SNCAIP: variants seen among roughly 807,000 people sequenced by gnomAD.
SNCAIP encodes synphilin-1.
Under a neutral mutation model 86.7 loss-of-function variants are expected in SNCAIP, and 43 were observed. The observed-to-expected ratio is 0.50, with a 90% CI of 0.39 to 0.64. SNCAIP has a LOEUF of 0.64. SNCAIP is among the 30% of genes least tolerant of loss of function. The pLI, the probability that SNCAIP is intolerant of heterozygous loss-of-function variation, is 0.00. For missense variants in SNCAIP, 981 were observed against 1,103.1 expected (o/e 0.89, Z 1.57); for synonymous variants, 417 against 427.2 (o/e 0.98, Z 0.29).
rs1418453169 is a variant in SNCAIP at position 122,425,912 on chromosome 5, C to T, written c.1182+381C>T. ...GGTGTGTTTTAAGGATGCTAGCACTCGGGAGTATTTCAGATCACAAAGTGG... is the reference window on the plus strand; with the variant it reads ...GGTGTGTTTTAAGGATGCTAGCACTTGGGAGTATTTCAGATCACAAAGTGG... On this transcript the variant is annotated intron_variant, in intron 5 of 10. Coordinates refer to ENST00000261368, the MANE Select transcript of SNCAIP (RefSeq NM_005460.4). 6.6e-5 allele frequency among the ~76,000 whole-genome samples: 10 copies of T among 152,254 alleles called. No individual in the cohort carries two copies. The East Asian group carries it at 1.4e-3, about 21-fold the overall frequency.
intron 3 of SNCAIP, among the ~76,000 whole-genome samples, chr5:122,405,465 T>C (rs2152880010): frequency 6.6e-6 from 1 of 152,300 alleles, no homozygotes; most frequent in South Asian, 2.1e-4. Flanking sequence ...CCTAAAATAC[T>C]TGTGAGCTAA....
chr5:122,393,173 A>G (rs1442676253), intron 2 of SNCAIP, among the ~76,000 whole-genome samples: 7 of 152,304 alleles, frequency 4.6e-5, no homozygotes, highest in East Asian at 3.9e-4. Context: ...CCTCTTAAAC[A>G]TGTTTCGATT....
intron 6 of SNCAIP, among the ~76,000 whole-genome samples, chr5:122,438,745 T>G (rs1780106978): frequency 6.6e-6 from 1 of 152,210 alleles, no homozygotes; most frequent in Non-Finnish European, 1.5e-5. Context: ...CTCCCTCAGT[T>G]TTCTGACTTA....
At chr5:122,394,805 T>C (rs991296554) in intron 2 of SNCAIP, among the ~76,000 whole-genome samples, 4 of 152,218 alleles carry the variant, frequency 2.6e-5, no homozygotes, top group African/African-American at 9.6e-5. Flanking sequence ...CATCCACCAA[T>C]GTTGGCCGTG....
chr5:122,414,149 T>C (rs1188336621), intron 3 of SNCAIP, among the ~76,000 whole-genome samples: 1 of 151,968 alleles, frequency 6.6e-6, no homozygotes, highest in Non-Finnish European at 1.5e-5. Flanking sequence ...CTTTAGGCAG[T>C]CTTCCTGCCT....
intron 8 of SNCAIP, among the ~76,000 whole-genome samples, chr5:122,448,679 T>TTA (rs560551701): frequency 6.6e-5 from 9 of 136,568 alleles, no homozygotes; most frequent in African/African-American, 1.1e-4. Context: ...ATTATATATG[T>TTA]TATATATATA....
At chr5:122,367,196 T>A (rs995746076) in intron 1 of SNCAIP, among the ~76,000 whole-genome samples, 1 of 151,798 alleles carries the variant, frequency 6.6e-6, no homozygotes, top group African/African-American at 2.4e-5. Context: ...AGTGGGTGAG[T>A]AAGAAGAGAA....
chr5:122,312,597 G>A (rs570716628), intron 1 of SNCAIP: 1 of 152,460 alleles, frequency 6.6e-6, no homozygotes, highest in East Asian at 1.9e-4. Context: ...GCCTCATGTG[G>A]TTCTTATTCT....
At chr5:122,312,157 G>A (rs1202733393), upstream of SNCAIP, 1 of 150,774 alleles carries the variant, frequency 6.6e-6, no homozygotes, top group East Asian at 2.0e-4. Context: ...TGACGTAGCG[G>A]GGCCGCGGCA....
intron 2 of SNCAIP, among the ~76,000 whole-genome samples, chr5:122,393,082 A>T (rs1299142905): frequency 6.6e-6 from 1 of 152,226 alleles, no homozygotes; most frequent in African/African-American, 2.4e-5. Context: ...ATTATGCAAT[A>T]GTTGAGTGTC....
At chr5:122,439,060 A>G (rs1780196964) in intron 6 of SNCAIP, among the ~76,000 whole-genome samples, 1 of 152,210 alleles carries the variant, frequency 6.6e-6, no homozygotes, top group Non-Finnish European at 1.5e-5. Context: ...ATAATCATCT[A>G]TGTCCAATTA....
At chr5:122,440,335 A>C (rs1780569643) in intron 6 of SNCAIP, 1 of 392,790 alleles carries the variant, frequency 2.5e-6, no homozygotes, top group African/African-American at 2.1e-5. Context: ...TGTGCCTTGG[A>C]TGAGGCACTC....
intron 1 of SNCAIP, among the ~76,000 whole-genome samples, chr5:122,357,043 TGC>T (rs1761151496): frequency 6.6e-6 from 1 of 152,150 alleles, no homozygotes; most frequent in African/African-American, 2.4e-5. Flanking sequence ...TATCTCTGAC[TGC>T]CTCCTGATAC....
intron 1 of SNCAIP, among the ~76,000 whole-genome samples, chr5:122,334,141 A>G (rs558332858): frequency 6.6e-6 from 1 of 152,350 alleles, no homozygotes; most frequent in East Asian, 1.9e-4. Context: ...TGGAATGGCA[A>G]ACTAATAAAA....
chr5:122,441,763 G>A (rs549437199), intron 7 of SNCAIP, among the ~76,000 whole-genome samples: 2 of 152,306 alleles, frequency 1.3e-5, no homozygotes, highest in South Asian at 4.1e-4. Flanking sequence ...AAAAAGAGGG[G>A]ATAGCTGAAG....
intron 8 of SNCAIP, among the ~76,000 whole-genome samples, chr5:122,446,160 A>G (rs1249611455): frequency 6.6e-6 from 1 of 152,128 alleles, no homozygotes; most frequent in African/African-American, 2.4e-5. Context: ...ACACTGTGCA[A>G]ATGCCTTTAT....
At position 122,420,217 on chromosome 5, in the gene SNCAIP, C is replaced by T. The variant is rs149896459; in HGVS notation, c.131-2651C>T. 3.5e-4 allele frequency among the ~76,000 whole-genome samples: 53 copies of T among 152,278 alleles called. No homozygotes were observed. In the East Asian group the frequency reaches 8.3e-3, roughly 24 times the overall value. On this transcript the variant is annotated intron_variant, in intron 3 of 10. Transcript: ENST00000261368. ...GTTTCTAGATCCTTCTGTGAAAAGA[C>T]GTGTTTTCGTAAGACCCAGACAGAA...
At chr5:122,377,638 A>G (rs1228426578) in intron 1 of SNCAIP, among the ~76,000 whole-genome samples, 2 of 150,992 alleles carry the variant, frequency 1.3e-5, no homozygotes, top group African/African-American at 4.8e-5. Context: ...CGCTGCACCT[A>G]CTAACTCGTC....
intron 5 of SNCAIP, among the ~76,000 whole-genome samples, chr5:122,429,017 CA>C (rs1270739411): frequency 2.0e-5 from 3 of 151,800 alleles, no homozygotes; most frequent in African/African-American, 7.3e-5. Flanking sequence ...AAATCAATAA[CA>C]AAAGGAAATT....
Sources: gnomAD v4.1 joint callset for allele counts (sites outside exome capture counted in the v4.1 genomes callset) on GRCh38, gnomAD v4.1.1 for gene constraint, MANE v1.5 for transcripts, NCBI Gene and HGNC (gene_info 2026-07-23, HGNC 2026-07-21) for gene names.